Variants in NAALADL2 observed in about 807,000 individuals in gnomAD.
The protein encoded by NAALADL2 is inactive N-acetylated-alpha-linked acidic dipeptidase-like protein 2.
In NAALADL2, 76 loss-of-function variants were observed where a neutral mutation model predicts 87.2. The observed-to-expected ratio is 0.87, with a 90% confidence interval of 0.72 to 1.05. The LOEUF (loss-of-function observed/expected upper bound fraction) is 1.05. Ranked by LOEUF, NAALADL2 falls within the 50% of genes least tolerant of loss-of-function variation. The pLI, the probability that NAALADL2 is intolerant of heterozygous loss-of-function variation, is 0.00. For synonymous variants in NAALADL2, 354 were observed against 331.0 expected (o/e 1.07, Z -0.75); for missense variants, 1,089 against 945.8 (o/e 1.15, Z -1.99).
chr3:175,090,738 A>G (rs1160751702), intron 1 of NAALADL2, among the ~76,000 whole-genome samples: 2 of 152,196 alleles, frequency 1.3e-5, no homozygotes, highest in Non-Finnish European at 1.5e-5. Context: ...GCCTAAATTC[A>G]GTGTACTACT....
In NAALADL2 at chr3:175,456,411, T is replaced by C. The variant is rs190686405; in HGVS notation, c.1235-6990T>C. 3.9e-3 allele frequency among the ~76,000 whole-genome samples: 594 copies of C among 152,146 alleles called. 2 individuals carry two copies. Among genetic ancestry groups the C allele is most frequent in the African/African-American group, 0.013 (554 of 41,528 alleles). ...ATTAAAGCTGTCATCAAATTTTACA[T>C]GAAAGGCAGAAATTGGTAAATGTGA... On this transcript the variant is annotated intron_variant, in intron 6 of 13. Coordinates refer to ENST00000454872, the MANE Select transcript of NAALADL2 (RefSeq NM_207015.3).
In NAALADL2 at chr3:175,487,478, CA is replaced by C; in HGVS notation, c.1653+15723del. 13 of 454,820 alleles carry C rather than the reference CA, an allele frequency of 2.9e-5. 1 individual carries two copies. The highest frequency in any genetic ancestry group is 2.0e-4 in the South Asian group (13 of 64,200). The allele number at this position is 454,820 out of a possible 1,614,324, so 28.2% of individuals were successfully genotyped here. On this transcript the variant is annotated intron_variant, in intron 9 of 13. Coordinates refer to ENST00000454872, the MANE Select transcript of NAALADL2 (RefSeq NM_207015.3). The stretch of plus-strand genomic sequence containing the variant: ...AATGAACATAATTTATTTGCCCATC[CA>C]AAGCACTATCCATGAACTAAGAGCA...
In NAALADL2 at chr3:174,679,076, G is replaced by A. The variant is rs559546287; in HGVS notation, c.-114-58565G>A. Reference sequence around the variant, plus strand: ...ACTTCATTGAGCTTCCCAAACCTTTGCACTGGTATCTTTGATGAGTTCTGA... The same window carrying A: ...ACTTCATTGAGCTTCCCAAACCTTTACACTGGTATCTTTGATGAGTTCTGA... On this transcript the variant is annotated intron_variant, in intron 2 of 3. Transcript: ENST00000434257. Among the ~76,000 whole-genome samples, 19 of 152,158 alleles carry A rather than the reference G, an allele frequency of 1.2e-4. 1 individual carries two copies. The South Asian group carries it at 3.9e-3, about 32-fold the overall frequency.
In NAALADL2 at chr3:174,931,124, G is replaced by T. The variant is rs147836838; in HGVS notation, c.43+71674G>T. Reference sequence around the variant, plus strand: ...TAAACAAGTATTTCGGGGCTGAATCGATCAAAATACATTTATTGACTATAA... The same window carrying T: ...TAAACAAGTATTTCGGGGCTGAATCTATCAAAATACATTTATTGACTATAA... On this transcript the variant is annotated intron_variant, in intron 1 of 13. Coordinates refer to ENST00000454872, the MANE Select transcript of NAALADL2 (RefSeq NM_207015.3). Among the ~76,000 whole-genome samples, 389 of 152,070 alleles carry T rather than the reference G, an allele frequency of 2.6e-3. 1 individual carries two copies. Among genetic ancestry groups the T allele is most frequent in the Non-Finnish European group, 4.9e-3 (334 of 67,984 alleles).
At chr3:174,879,885 C>G (rs1055771262) in intron 1 of NAALADL2, among the ~76,000 whole-genome samples, 11 of 152,034 alleles carry the variant, frequency 7.2e-5, no homozygotes, top group African/African-American at 2.4e-4. Context: ...AGTAAATTCT[C>G]AATCTTCTTC....
intron 3 of NAALADL2, among the ~76,000 whole-genome samples, chr3:174,813,508 T>C (rs1720450203): frequency 1.3e-5 from 2 of 152,196 alleles, no homozygotes; most frequent in Admixed American, 6.5e-5. Context: ...GAACAGTAGG[T>C]TATACCATGT....
intron 9 of NAALADL2, among the ~76,000 whole-genome samples, chr3:175,492,497 C>T (rs1400022051): frequency 6.6e-6 from 1 of 152,080 alleles, no homozygotes; most frequent in African/African-American, 2.4e-5. Context: ...AGATGAAACC[C>T]ACATAATGGA....
intron 2 of NAALADL2, among the ~76,000 whole-genome samples, chr3:174,691,521 G>A (rs1423385733): frequency 6.6e-6 from 1 of 152,120 alleles, no homozygotes; most frequent in Non-Finnish European, 1.5e-5. Context: ...GAGAGTCTTG[G>A]CTGAAGGTTG....
At chr3:175,172,966 A>G (rs1735076529) in intron 2 of NAALADL2, among the ~76,000 whole-genome samples, 1 of 152,090 alleles carries the variant, frequency 6.6e-6, no homozygotes, top group African/African-American at 2.4e-5. Context: ...ACTCTGTCAA[A>G]TATAGATATT....
intron 4 of NAALADL2, among the ~76,000 whole-genome samples, chr3:175,309,903 T>G (rs1758158068): frequency 6.6e-6 from 1 of 152,168 alleles, no homozygotes; most frequent in African/African-American, 2.4e-5. Flanking sequence ...CTTTTCAGTG[T>G]CATGCCCAGC....
At chr3:174,890,752 G>T (rs1461323382) in intron 1 of NAALADL2, among the ~76,000 whole-genome samples, 1 of 152,100 alleles carries the variant, frequency 6.6e-6, no homozygotes. Flanking sequence ...TATATCATTT[G>T]ACAGGGTGTA....
chr3:175,368,572 A>AGTGTGTGT (rs3068008), intron 5 of NAALADL2, among the ~76,000 whole-genome samples: 3 of 149,534 alleles, frequency 2.0e-5, no homozygotes, highest in African/African-American at 7.4e-5. Context: ...GGTGTGTGTG[A>AGTGTGTGT]GTGTGTGTGT....
At chr3:175,308,982 A>G (rs2110285143) in intron 4 of NAALADL2, among the ~76,000 whole-genome samples, 1 of 152,296 alleles carries the variant, frequency 6.6e-6, no homozygotes, top group Non-Finnish European at 1.5e-5. Flanking sequence ...ATCCTTGAGC[A>G]TGCCCAGGAG....
chr3:174,681,219 C>A (rs868629579), intron 2 of NAALADL2, among the ~76,000 whole-genome samples: 1 of 152,140 alleles, frequency 6.6e-6, no homozygotes, highest in African/African-American at 2.4e-5. Flanking sequence ...GTACCACAGG[C>A]TAAAGTGCTC....
chr3:175,735,124 C>A (rs1744324867), intron 11 of NAALADL2, among the ~76,000 whole-genome samples: 1 of 152,160 alleles, frequency 6.6e-6, no homozygotes, highest in Admixed American at 6.5e-5. Context: ...CTCTCAAGTT[C>A]AAAGTTCGAC....
At chr3:175,303,808 A>T (rs1480160632) in intron 4 of NAALADL2, among the ~76,000 whole-genome samples, 6 of 152,168 alleles carry the variant, frequency 3.9e-5, no homozygotes, top group Non-Finnish European at 7.3e-5. Flanking sequence ...GTCTGAAATG[A>T]TGTGACTTTT....
chr3:174,733,439 G>T (rs1009716519), intron 2 of NAALADL2, among the ~76,000 whole-genome samples: 1 of 152,184 alleles, frequency 6.6e-6, no homozygotes, highest in African/African-American at 2.4e-5. Flanking sequence ...CAATCTATAT[G>T]GTTTGATTTT....
chr3:175,180,793 C>T (rs566568290), intron 2 of NAALADL2, among the ~76,000 whole-genome samples: 1 of 151,500 alleles, frequency 6.6e-6, no homozygotes, highest in East Asian at 1.9e-4. Context: ...ATGTTGCTGG[C>T]ACTTCTCTAA....
chr3:175,627,250 C>T (rs1157025888), intron 10 of NAALADL2, 41 bp from the exon 11 acceptor site: 7 of 1,446,058 alleles, frequency 4.8e-6, no homozygotes, highest in African/African-American at 1.4e-5. Context: ...AAAACAAAAT[C>T]GATAAAGAGT....
Sources: allele counts gnomAD v4.1 joint callset (sites outside exome capture counted in the v4.1 genomes callset), GRCh38; gene constraint gnomAD v4.1.1; transcripts MANE v1.5; gene names NCBI Gene and HGNC (gene_info 2026-07-23, HGNC 2026-07-21).